Variants in CRIM1 observed in about 807,000 individuals in gnomAD.
CRIM1 encodes the protein cysteine rich transmembrane BMP regulator 1, also known as cysteine-rich motor neuron 1 protein.
Under a neutral mutation model 116.4 loss-of-function variants are expected in CRIM1, and 32 were observed. The observed-to-expected ratio is 0.27, with a 90% CI of 0.21 to 0.37. The LOEUF is 0.37. Among genes scored for constraint, CRIM1 ranks in the 10% least tolerant of loss-of-function variants. The pLI is 1.00. For synonymous variants in CRIM1, 590 were observed against 509.2 expected (o/e 1.16, Z -2.13); for missense variants, 1,331 against 1,354.8 (o/e 0.98, Z 0.28).
rs552444136 is a variant in CRIM1, at chr2:36,416,736, GCA to G, written c.505+19952_505+19953del. 1.3e-4 allele frequency among the ~76,000 whole-genome samples: 20 copies of G among 152,284 alleles called. No homozygotes were observed. The South Asian group carries it at 4.1e-3, about 32-fold the overall frequency. On this transcript the variant is annotated intron_variant, in intron 2 of 16. Coordinates refer to ENST00000280527, the MANE Select transcript of CRIM1 (RefSeq NM_016441.3). The stretch of plus-strand genomic sequence containing the variant: ...CTGTGTGCAGTTGGAAGAAACCCTG[GCA>G]CAGTTCCTCCAGAAACCAAAGACAG...
chr2:36,400,869 T>C (rs528460006), intron 2 of CRIM1, among the ~76,000 whole-genome samples: 1 of 152,214 alleles, frequency 6.6e-6, no homozygotes, highest in South Asian at 2.1e-4. Context: ...ACCTGGCGAA[T>C]TTAGACTTGC....
chr2:36,402,181 A>G (rs113489620), intron 2 of CRIM1, among the ~76,000 whole-genome samples: 34 of 152,318 alleles, frequency 2.2e-4, no homozygotes, highest in African/African-American at 8.2e-4. Context: ...AGCATATGGT[A>G]TGATAAAAGC....
intron 1 of CRIM1, among the ~76,000 whole-genome samples, chr2:36,381,767 A>G (rs1220117254): frequency 6.6e-6 from 1 of 152,156 alleles, no homozygotes; most frequent in Non-Finnish European, 1.5e-5. Context: ...AGCCTGTATG[A>G]TAGAGTGAGA....
intron 4 of CRIM1, among the ~76,000 whole-genome samples, chr2:36,459,051 T>C (rs1677376149): frequency 6.6e-6 from 1 of 152,220 alleles, no homozygotes; most frequent in African/African-American, 2.4e-5. Flanking sequence ...ATTGTTCTCA[T>C]TATAATGTTA....
At chr2:36,362,129 A>ATT (rs1436818199) in intron 1 of CRIM1, among the ~76,000 whole-genome samples, 4 of 152,156 alleles carry the variant, frequency 2.6e-5, no homozygotes, top group Non-Finnish European at 5.9e-5. Flanking sequence ...AAAGACAGCA[A>ATT]GACTGCAAAA....
intron 13 of CRIM1, among the ~76,000 whole-genome samples, chr2:36,527,473 A>G (rs1665830537): frequency 6.6e-6 from 1 of 152,086 alleles, no homozygotes; most frequent in African/African-American, 2.4e-5. Context: ...TTGTGACTGT[A>G]TTTCTTCTCA....
intron 2 of CRIM1, among the ~76,000 whole-genome samples, chr2:36,418,901 C>G (rs1276756842): frequency 6.6e-6 from 1 of 152,144 alleles, no homozygotes. Flanking sequence ...GGTCCCAGCG[C>G]TGTCTTAGGC....
At chr2:36,506,461 A>C (rs1459803251) in intron 8 of CRIM1, among the ~76,000 whole-genome samples, 1 of 152,062 alleles carries the variant, frequency 6.6e-6, no homozygotes, top group Non-Finnish European at 1.5e-5. Context: ...CCTCTAGGGG[A>C]CACCATCCAC....
chr2:36,492,549 A>G (rs1468636797), intron 7 of CRIM1, among the ~76,000 whole-genome samples: 1 of 151,608 alleles, frequency 6.6e-6, no homozygotes, highest in African/African-American at 2.4e-5. Flanking sequence ...TCTTCACTGT[A>G]CTTTCCTTCC....
intron 2 of CRIM1, among the ~76,000 whole-genome samples, chr2:36,432,112 T>G (rs1674940839): frequency 1.3e-5 from 2 of 152,244 alleles, no homozygotes. Context: ...TTTAGTTCAT[T>G]TAATTTACCT....
At chr2:36,442,879 C>G in intron 4 of CRIM1, 144 bp downstream of exon 4, 6 of 958,662 alleles carry the variant, frequency 6.3e-6, no homozygotes, top group Non-Finnish European at 8.0e-6. Context: ...GTTTGCATTA[C>G]TTGGTATTTA....
intron 2 of CRIM1, among the ~76,000 whole-genome samples, chr2:36,428,504 C>T (rs1047266750): frequency 4.6e-5 from 7 of 152,160 alleles, no homozygotes; most frequent in African/African-American, 1.7e-4. Context: ...TAGAAGAAGC[C>T]TGGGCTTTCT....
At chr2:36,487,665 C>T (rs1344504698) in intron 7 of CRIM1, among the ~76,000 whole-genome samples, 1 of 151,756 alleles carries the variant, frequency 6.6e-6, no homozygotes, top group African/African-American at 2.4e-5. Flanking sequence ...TAGTAATTTG[C>T]TCTGAAAGCA....
chr2:36,550,037 A>ATGTATG lies in CRIM1; in HGVS notation c.*1340_*1345dup, dbSNP rs959780695. 2 of 145,672 alleles carry ATGTATG rather than the reference A, an allele frequency of 1.4e-5. No individual in the cohort carries two copies. The highest frequency in any genetic ancestry group is 2.2e-4 in the South Asian group (1 of 4,486). 9.0% of individuals were successfully genotyped at this position (145,672 alleles called of 1,614,324 possible). ...ATTGGAAAGATGTGTGTGTGAGAGT[A>ATGTATG]TGTATGTGTGTGTGTGTGTGTGTGT... On this transcript the variant is annotated 3_prime_UTR_variant, in exon 17 of 17. Coordinates refer to ENST00000280527, the MANE Select transcript of CRIM1 (RefSeq NM_016441.3).
chr2:36,496,552 A>G (rs551569878), intron 7 of CRIM1, among the ~76,000 whole-genome samples: 2 of 152,312 alleles, frequency 1.3e-5, no homozygotes, highest in African/African-American at 4.8e-5. Context: ...AAGGTATCCC[A>G]TGGGACTTGT....
At chr2:36,360,072 G>A (rs926335417) in intron 1 of CRIM1, among the ~76,000 whole-genome samples, 1 of 152,220 alleles carries the variant, frequency 6.6e-6, no homozygotes, top group Non-Finnish European at 1.5e-5. Context: ...AATGAAGTGA[G>A]ATTTTCTAGA....
chr2:36,508,893 A>G (rs969507851), intron 8 of CRIM1, among the ~76,000 whole-genome samples: 9 of 151,930 alleles, frequency 5.9e-5, no homozygotes, highest in African/African-American at 1.9e-4. Flanking sequence ...ACAGTTAAAC[A>G]TCACTCCAGA....
intron 11 of CRIM1, among the ~76,000 whole-genome samples, chr2:36,516,970 A>C (rs912198195): frequency 6.6e-6 from 1 of 152,188 alleles, no homozygotes; most frequent in African/African-American, 2.4e-5. Flanking sequence ...GTATTCTGTA[A>C]ATGAGAGATC....
chr2:36,356,770 C>T lies in CRIM1; in HGVS notation c.331+147C>T. The T allele has an allele frequency of 2.7e-6, 2 of 754,666 alleles. No homozygotes were observed. The highest frequency in any genetic ancestry group is 4.2e-6 in the Non-Finnish European group (2 of 477,930). The allele number at this position is 754,666 out of a possible 1,614,324, so 46.7% of individuals were successfully genotyped here. A position where few individuals can be genotyped will look rare whatever the true frequency, so the allele number is the denominator to read the frequency against. On this transcript the variant is annotated intron_variant, in intron 1 of 16. Coordinates refer to ENST00000280527, the MANE Select transcript of CRIM1 (RefSeq NM_016441.3). The surrounding 1 kb of genome is among the most constrained non-coding windows in gnomAD (Gnocchi z 4.3). Reference sequence around the variant, plus strand: ...CGGCCGCCGCCCCCAGGAGAGTGCCCCCGCGGCCCTGCGTTCCCTCTCCTT... The same window carrying T: ...CGGCCGCCGCCCCCAGGAGAGTGCCTCCGCGGCCCTGCGTTCCCTCTCCTT...
Sources: allele counts gnomAD v4.1 joint callset (sites outside exome capture counted in the v4.1 genomes callset), GRCh38; gene constraint gnomAD v4.1.1; non-coding constraint Gnocchi (gnomAD v3.1); transcripts MANE v1.5; gene names NCBI Gene and HGNC (gene_info 2026-07-23, HGNC 2026-07-21).